MARCHF6: variants seen among roughly 807,000 people sequenced by gnomAD.
The protein encoded by MARCHF6 is membrane associated ring-CH-type finger 6.
In MARCHF6, 31 loss-of-function variants were observed where a neutral mutation model predicts 133.7. That is an observed-to-expected ratio of 0.23 (90% CI 0.17 to 0.31). The LOEUF (loss-of-function observed/expected upper bound fraction) is 0.31. Among genes scored for constraint, MARCHF6 ranks in the 10% least tolerant of loss-of-function variants. The probability of loss-of-function intolerance (pLI) is 1.00; values close to 1 mark genes in which losing one functional copy is unlikely to be tolerated. For synonymous variants in MARCHF6, 395 were observed against 402.5 expected (o/e 0.98, Z 0.22); for missense variants, 723 against 1,121.6 (o/e 0.64, Z 5.08).
chr5:10,391,638 C>G lies in MARCHF6; in HGVS notation c.673C>G (p.Gln225Glu). The G allele has an allele frequency of 1.2e-6, 2 of 1,611,418 alleles. No individual in the cohort carries two copies. The highest frequency in any genetic ancestry group is 1.7e-6 in the Non-Finnish European group (2 of 1,178,992). Reference protein sequence around the residue: ...NAVVGENPDAQDDQAEEEEED... With the variant: ...NAVVGENPDAEDDQAEEEEED... Reference sequence around the variant, plus strand: ...AGTGGTGGGGGAAAACCCTGATGCCCAGGATGACCAGGCAGAAGAGGAGGA... The same window carrying G: ...AGTGGTGGGGGAAAACCCTGATGCCGAGGATGACCAGGCAGAAGAGGAGGA... Residue 225 changes from glutamine (Q) to glutamate (E), a missense_variant, in exon 7 of 26, where the codon CAG becomes GAG. Physicochemically the swap from Gln to Glu is conservative, Grantham distance 29. Around this residue, in one of 4 missense-constraint regions of MARCHF6, gnomAD observed 97 missense variants for 115.4 expected, o/e 0.84. Coordinates refer to ENST00000274140, the MANE Select transcript of MARCHF6 (RefSeq NM_005885.4).
chr5:10,435,677 ATATATATATATATATATATATTTTTT>A lies in MARCHF6; in HGVS notation c.*1995_*2020del. 6.9e-4 allele frequency: 4 copies of A among 5,830 alleles called. No individual in the cohort carries two copies. Among genetic ancestry groups the A allele is most frequent in the East Asian group, 8.1e-3 (1 of 124 alleles). The allele number at this position is 5,830 out of a possible 1,614,324, so 0.4% of individuals were successfully genotyped here. ...TATATATATATATATATATATATATATATATATATATATATATATATTTTTTTTTTTTTTTTTTTTTTTTTTTTTTT... is the reference window on the plus strand; with the variant it reads ...TATATATATATATATATATATATATATTTTTTTTTTTTTTTTTTTTTTTTT... On this transcript the variant is annotated 3_prime_UTR_variant, in exon 26 of 26. Transcript: ENST00000274140.
intron 21 of MARCHF6, among the ~76,000 whole-genome samples, chr5:10,416,674 T>A (rs913358125): frequency 3.3e-5 from 5 of 149,346 alleles, no homozygotes; most frequent in East Asian, 2.1e-4. Context: ...CTTTAAATCA[T>A]TTTTTTTTTG....
chr5:10,373,068 A>AC (rs1007100391), intron 1 of MARCHF6, among the ~76,000 whole-genome samples: 24 of 151,964 alleles, frequency 1.6e-4, no homozygotes, highest in African/African-American at 5.1e-4. Flanking sequence ...TCTTAAAAAA[A>AC]AAAACAAAAC....
intron 1 of MARCHF6, among the ~76,000 whole-genome samples, chr5:10,363,861 C>G (rs186134502): frequency 2.1e-4 from 32 of 152,280 alleles, no homozygotes; most frequent in African/African-American, 7.7e-4. Context: ...CACAAAAGAA[C>G]ATATTTTCTA....
intron 18 of MARCHF6, among the ~76,000 whole-genome samples, chr5:10,410,733 T>G (rs1739180838): frequency 6.6e-6 from 1 of 152,166 alleles, no homozygotes; most frequent in East Asian, 1.9e-4. Context: ...TCTTTAAAAG[T>G]TTTTCAGTTT....
At chr5:10,399,538 A>G (rs968795506) in intron 10 of MARCHF6, among the ~76,000 whole-genome samples, 2 of 151,940 alleles carry the variant, frequency 1.3e-5, no homozygotes, top group Non-Finnish European at 2.9e-5. Context: ...AGTAAAATTT[A>G]GCCAGAAAGA....
At chr5:10,366,855 G>A (rs929427333) in intron 1 of MARCHF6, among the ~76,000 whole-genome samples, 6 of 152,212 alleles carry the variant, frequency 3.9e-5, no homozygotes, top group Admixed American at 3.3e-4. Context: ...TAGGCAGTTT[G>A]TCAGTTTGCC....
intron 19 of MARCHF6, among the ~76,000 whole-genome samples, chr5:10,412,506 G>T (rs1739286259): frequency 1.3e-5 from 2 of 152,176 alleles, no homozygotes; most frequent in African/African-American, 4.8e-5. Context: ...AGTGGGAAGG[G>T]CATTCCAGGA....
Position 10,435,024 on chromosome 5 carries a change from G to A in MARCHF6, c.*1340G>A, listed in dbSNP as rs1226128620. 1 of 152,588 alleles carries A rather than the reference G, an allele frequency of 6.6e-6. No homozygotes were observed. Among genetic ancestry groups the A allele is most frequent in the African/African-American group, 2.4e-5 (1 of 41,430 alleles). The allele number at this position is 152,588 out of a possible 1,614,324, so 9.5% of individuals were successfully genotyped here. The stretch of plus-strand genomic sequence containing the variant: ...CATGATCTAAATGTTTAATGCTAAA[G>A]GTATATCGTAAGGGTAGTGTTTGTT... On this transcript the variant is annotated 3_prime_UTR_variant, in exon 26 of 26. Coordinates refer to ENST00000274140, the MANE Select transcript of MARCHF6 (RefSeq NM_005885.4).
chr5:10,383,167 G>T (rs964468403), intron 4 of MARCHF6, among the ~76,000 whole-genome samples: 2 of 152,164 alleles, frequency 1.3e-5, no homozygotes, highest in African/African-American at 4.8e-5. Flanking sequence ...GCAGAATATA[G>T]GTACTGTTGA....
At chr5:10,428,425 T>C (rs1740205014) in intron 24 of MARCHF6, among the ~76,000 whole-genome samples, 1 of 126,326 alleles carries the variant, frequency 7.9e-6, no homozygotes, top group Non-Finnish European at 1.6e-5. Flanking sequence ...CGCTGCAACC[T>C]CCACCTCCTG....
intron 15 of MARCHF6, among the ~76,000 whole-genome samples, chr5:10,404,421 G>A (rs1056406734): frequency 2.6e-5 from 4 of 152,118 alleles, no homozygotes; most frequent in Non-Finnish European, 5.9e-5. Context: ...ATTTGAAGAT[G>A]ATGAAAGCAG....
chr5:10,390,630 G>A (rs539224381), intron 6 of MARCHF6, 130 bp downstream of exon 6: 55 of 891,610 alleles, frequency 6.2e-5, no homozygotes, highest in East Asian at 3.2e-4. Context: ...GGAGGGCAGC[G>A]GAAAGGTTTG....
At chr5:10,375,406 C>G (rs932762260) in intron 1 of MARCHF6, among the ~76,000 whole-genome samples, 4 of 152,228 alleles carry the variant, frequency 2.6e-5, no homozygotes, top group African/African-American at 7.2e-5. Flanking sequence ...GGGCAGGGCT[C>G]GGGACCTGCA....
chr5:10,409,987 G>T, intron 17 of MARCHF6, 152 bp from the exon 18 acceptor site: 1 of 793,860 alleles, frequency 1.3e-6, no homozygotes, highest in South Asian at 1.8e-5. Context: ...GGTGGAGTTT[G>T]TGGGGAAAGC....
chr5:10,430,013 A>G lies in MARCHF6; in HGVS notation c.2627A>G (p.His876Arg). 6.2e-7 allele frequency: 1 copy of G among 1,609,304 alleles called. No homozygotes were observed. The highest frequency in any genetic ancestry group is 8.5e-7 in the Non-Finnish European group (1 of 1,176,090). Residue 876 changes from histidine to arginine, a missense_variant, in exon 25 of 26, where the codon CAT becomes CGT. Coordinates refer to ENST00000274140, the MANE Select transcript of MARCHF6 (RefSeq NM_005885.4). ...QVRQFKRLYE[H>R]IKNDKYLVGQ... ...CGCCAGTTTAAGCGCCTTTATGAACATATTAAAAATGACAAGTAAGTCTGG... is the reference window on the plus strand; with the variant it reads ...CGCCAGTTTAAGCGCCTTTATGAACGTATTAAAAATGACAAGTAAGTCTGG...
At chr5:10,411,114 G>T (rs1015717160) in intron 18 of MARCHF6, among the ~76,000 whole-genome samples, 1 of 152,086 alleles carries the variant, frequency 6.6e-6, no homozygotes, top group Non-Finnish European at 1.5e-5. Flanking sequence ...CGTAAAATAG[G>T]TTGAATTTAT....
intron 15 of MARCHF6, among the ~76,000 whole-genome samples, chr5:10,404,064 T>C (rs965608833): frequency 1.3e-5 from 2 of 149,252 alleles, no homozygotes; most frequent in African/African-American, 2.5e-5. Context: ...TATTTATTTA[T>C]TTATTTATTT....
At chr5:10,360,625 A>G (rs758964869) in intron 1 of MARCHF6, among the ~76,000 whole-genome samples, 1 of 152,176 alleles carries the variant, frequency 6.6e-6, no homozygotes, top group Non-Finnish European at 1.5e-5. Flanking sequence ...TACTGAGTCT[A>G]TCTCTTTCCT....
Sources: gnomAD v4.1 joint callset for allele counts (sites outside exome capture counted in the v4.1 genomes callset) on GRCh38, gnomAD v4.1.1 for gene constraint, gnomAD v4.1.1 regional missense constraint, MANE v1.5 for transcripts, NCBI Gene and HGNC (gene_info 2026-07-23, HGNC 2026-07-21) for gene names.